The following NRG3 variants were observed in gnomAD, a reference collection of about 807,000 sequenced individuals.
NRG3 encodes neuregulin 3.
NRG3 carries 31 observed loss-of-function variants against 66.9 expected under a neutral mutation model. That is an observed-to-expected ratio of 0.46 (90% CI 0.35 to 0.63). NRG3 has a LOEUF of 0.63. Ranked by LOEUF, NRG3 falls within the 20% of genes least tolerant of loss-of-function variation. The pLI, the probability that NRG3 is intolerant of heterozygous loss-of-function variation, is 0.00. For missense variants in NRG3, 910 were observed against 878.9 expected (o/e 1.04, Z -0.45); for synonymous variants, 393 against 359.4 (o/e 1.09, Z -1.06).
At chr10:82,682,636 T>A (rs2054191408) in intron 2 of NRG3, among the ~76,000 whole-genome samples, 1 of 152,298 alleles carries the variant, frequency 6.6e-6, no homozygotes, top group Non-Finnish European at 1.5e-5. Flanking sequence ...TAAAATTATG[T>A]TTAAGAGAAA....
At position 82,036,744 on chromosome 10, in the gene NRG3, A is replaced by G. The variant is rs372522172; in HGVS notation, c.823+160581A>G. ...GACTGAAACTCTATACCCATTGAAT[A>G]GAAACTCTCCATAGGTCTTTACATC... On this transcript the variant is annotated intron_variant, in intron 1 of 8. Transcript: ENST00000372141. Among the ~76,000 whole-genome samples, 9 of 152,238 alleles carry G rather than the reference A, an allele frequency of 5.9e-5. No homozygotes were observed. In the South Asian group the frequency reaches 1.9e-3, roughly 32 times the overall value.
At chr10:82,256,640 T>A (rs553024222) in intron 1 of NRG3, among the ~76,000 whole-genome samples, 82 of 152,340 alleles carry the variant, frequency 5.4e-4, no homozygotes, top group Non-Finnish European at 7.2e-4. Context: ...AAATTCAGAT[T>A]TATTTTCCTA....
chr10:82,615,068 G>A (rs2048554940), intron 2 of NRG3, among the ~76,000 whole-genome samples: 1 of 152,102 alleles, frequency 6.6e-6, no homozygotes, highest in South Asian at 2.1e-4. Context: ...AGACACCTGT[G>A]AGTCCAGATG....
At chr10:82,349,301 C>T (rs1182313044) in intron 1 of NRG3, among the ~76,000 whole-genome samples, 1 of 152,038 alleles carries the variant, frequency 6.6e-6, no homozygotes, top group African/African-American at 2.4e-5. Flanking sequence ...CCCTCAGCTG[C>T]AGGTCTGTTG....
At chr10:81,964,778 A>G (rs527795340) in intron 1 of NRG3, among the ~76,000 whole-genome samples, 1 of 152,148 alleles carries the variant, frequency 6.6e-6, no homozygotes, top group Admixed American at 6.6e-5. Flanking sequence ...TGCATATTTG[A>G]TAGGAGAAAC....
intron 2 of NRG3, among the ~76,000 whole-genome samples, chr10:82,580,020 AT>A (rs2046262378): frequency 6.6e-6 from 1 of 151,922 alleles, no homozygotes; most frequent in Non-Finnish European, 1.5e-5. Flanking sequence ...CTTTTATAAA[AT>A]GGCATAATAT....
chr10:82,679,764 G>C (rs958298187), intron 2 of NRG3, among the ~76,000 whole-genome samples: 1 of 152,034 alleles, frequency 6.6e-6, no homozygotes, highest in African/African-American at 2.4e-5. Flanking sequence ...TACGAAGTGG[G>C]GAAAAGCTAA....
intron 1 of NRG3, among the ~76,000 whole-genome samples, chr10:82,247,419 G>A (rs929554772): frequency 3.3e-5 from 5 of 151,956 alleles, no homozygotes; most frequent in African/African-American, 9.7e-5. Context: ...AGCTCTTGGG[G>A]GTTCCTTTTA....
At chr10:82,690,221 T>C (rs930746036) in intron 2 of NRG3, among the ~76,000 whole-genome samples, 1 of 151,942 alleles carries the variant, frequency 6.6e-6, no homozygotes, top group Non-Finnish European at 1.5e-5. Flanking sequence ...GAATCTCATA[T>C]AGAGAGAAAA....
chr10:82,491,594 A>G (rs1009889888), intron 2 of NRG3, among the ~76,000 whole-genome samples: 1 of 152,026 alleles, frequency 6.6e-6, no homozygotes, highest in African/African-American at 2.4e-5. Context: ...GAAGTATCTG[A>G]GGGTACATTT....
chr10:82,650,165 T>G (rs902492934), intron 2 of NRG3, among the ~76,000 whole-genome samples: 5 of 152,142 alleles, frequency 3.3e-5, no homozygotes, highest in African/African-American at 1.2e-4. Flanking sequence ...ATATTACGCT[T>G]CTTCTTTGTC....
chr10:82,400,873 G>T (rs2087048409), intron 2 of NRG3, among the ~76,000 whole-genome samples: 1 of 152,064 alleles, frequency 6.6e-6, no homozygotes, highest in Admixed American at 6.6e-5. Flanking sequence ...ACCATGCCTG[G>T]CCCAGATTGA....
intron 2 of NRG3, among the ~76,000 whole-genome samples, chr10:82,426,597 AATTATTATTATTATTATTATTATTATT>A (rs142603787): frequency 6.0e-5 from 8 of 132,602 alleles, no homozygotes; most frequent in Non-Finnish European, 1.1e-4. Context: ...TCCTCAATGG[AATTATTATTATTATTATTATTATTATT>A]ATTATTATTA....
chr10:82,159,765 G>T (rs1198697568), intron 1 of NRG3, among the ~76,000 whole-genome samples: 2 of 151,782 alleles, frequency 1.3e-5, no homozygotes, highest in Non-Finnish European at 2.9e-5. Flanking sequence ...ATCAAGGAAG[G>T]TAAATGTCCT....
rs778887454 is a variant in NRG3 at position 82,724,220 on chromosome 10, AC to A, written c.954-14356del. The stretch of plus-strand genomic sequence containing the variant: ...CAATTTAAACCTATAGGCCTATGCT[AC>A]TTTTTTTTTTTTTAAGACCAGACCT... On this transcript the variant is annotated intron_variant, in intron 2 of 8. Transcript: ENST00000372141. 9.1e-3 allele frequency among the ~76,000 whole-genome samples: 1,322 copies of A among 144,820 alleles called. 12 individuals carry two copies. The highest frequency in any genetic ancestry group is 0.022 in the African/African-American group (861 of 39,968).
intron 2 of NRG3, among the ~76,000 whole-genome samples, chr10:82,364,601 G>T (rs1260456543): frequency 6.6e-6 from 1 of 152,118 alleles, no homozygotes. Flanking sequence ...CATTTGAATG[G>T]ACCAAATGTG....
intron 2 of NRG3, among the ~76,000 whole-genome samples, chr10:82,727,314 C>T (rs973790318): frequency 1.0e-4 from 13 of 124,862 alleles, no homozygotes; most frequent in African/African-American, 4.0e-4. Context: ...CATCACAGGC[C>T]TGGAGGCCTA....
At chr10:82,265,748 A>G (rs59728266) in intron 1 of NRG3, among the ~76,000 whole-genome samples, 2,640 of 152,284 alleles carry the variant, frequency 0.017, 82 homozygotes, top group African/African-American at 0.06. Context: ...TGCCAATATC[A>G]TCAGAGGATG....
At chr10:81,899,131 A>T (rs1843788603) in intron 1 of NRG3, among the ~76,000 whole-genome samples, 1 of 152,182 alleles carries the variant, frequency 6.6e-6, no homozygotes, top group Non-Finnish European at 1.5e-5. Flanking sequence ...GAGTTTAGTT[A>T]TGCATTTTTA....
Sources: gnomAD v4.1 joint callset for allele counts (sites outside exome capture counted in the v4.1 genomes callset) on GRCh38, gnomAD v4.1.1 for gene constraint, MANE v1.5 for transcripts, NCBI Gene and HGNC (gene_info 2026-07-23, HGNC 2026-07-21) for gene names.